PSMF1: variants seen among roughly 807,000 people sequenced by gnomAD.
The protein encoded by PSMF1 is proteasome inhibitor subunit 1, also known as proteasome inhibitor PI31 subunit.
PSMF1 carries 30 observed loss-of-function variants against 29.3 expected under a neutral mutation model. That is an observed-to-expected ratio of 1.02 (90% CI 0.77 to 1.39). PSMF1 has a LOEUF of 1.39. Ranked by LOEUF, PSMF1 falls within the 40% of genes most tolerant of loss-of-function variation. The probability of loss-of-function intolerance (pLI) is 0.00; values close to 1 mark genes in which losing one functional copy is unlikely to be tolerated. For missense variants in PSMF1, 344 were observed against 357.5 expected (o/e 0.96, Z 0.31); for synonymous variants, 134 against 139.7 (o/e 0.96, Z 0.29).
At chr20:1,158,863 G>A (rs939496322) in intron 4 of PSMF1, among the ~76,000 whole-genome samples, 1 of 152,084 alleles carries the variant, frequency 6.6e-6, no homozygotes, top group Middle Eastern at 3.2e-3. Context: ...GAGAAGGACG[G>A]AACCCCCTCC....
At chr20:1,162,403 T>TA (rs1281872020) in intron 4 of PSMF1, among the ~76,000 whole-genome samples, 3 of 151,950 alleles carry the variant, frequency 2.0e-5, no homozygotes, top group Admixed American at 6.6e-5. Context: ...TGCTGCCATT[T>TA]AAAAAAAAGA....
At chr20:1,119,438 C>G (rs1409490575) in intron 1 of PSMF1, among the ~76,000 whole-genome samples, 1 of 152,126 alleles carries the variant, frequency 6.6e-6, no homozygotes, top group Non-Finnish European at 1.5e-5. Context: ...CCAGAGAGTT[C>G]ACACGCCTTT....
At chr20:1,141,162 T>TGGA in intron 4 of PSMF1, among the ~76,000 whole-genome samples, 2 of 152,126 alleles carry the variant, frequency 1.3e-5, no homozygotes, top group Admixed American at 1.3e-4. Flanking sequence ...GTTGCCAGGG[T>TGGA]GGAGGTGGAA....
chr20:1,137,064 T>C (rs2086316311), intron 4 of PSMF1, among the ~76,000 whole-genome samples: 2 of 152,204 alleles, frequency 1.3e-5, no homozygotes, highest in Admixed American at 1.3e-4. Context: ...CTACTATGAA[T>C]TGTAGAACAT....
chr20:1,139,642 G>A (rs1444261976), intron 4 of PSMF1, among the ~76,000 whole-genome samples: 1 of 151,942 alleles, frequency 6.6e-6, no homozygotes, highest in African/African-American at 2.4e-5. Flanking sequence ...CTACTCAGGA[G>A]GCTGAGGCAG....
Position 1,118,613 on chromosome 20 carries a change from C to G in PSMF1, c.-161C>G, listed in dbSNP as rs1419629391. 2.3e-6 allele frequency: 2 copies of G among 867,618 alleles called. No individual in the cohort carries two copies. The highest frequency in any genetic ancestry group is 5.7e-5 in the East Asian group (2 of 34,984). 53.7% of individuals were successfully genotyped at this position (867,618 alleles called of 1,614,324 possible). A position where few individuals can be genotyped will look rare whatever the true frequency, so the allele number is the denominator to read the frequency against. ...TTGGGACTACTTCCGGCTTCCCCGC[C>G]CCGCCCCGTCCCCGGGCGTCTCCAT... On this transcript the variant is annotated 5_prime_UTR_variant, in exon 1 of 7. Transcript: ENST00000335877.
At chr20:1,142,091 G>T (rs913396105) in intron 4 of PSMF1, among the ~76,000 whole-genome samples, 10 of 151,994 alleles carry the variant, frequency 6.6e-5, no homozygotes, top group Non-Finnish European at 1.5e-4. Flanking sequence ...GTGTGGTGGC[G>T]CACGCCTGTA....
rs1438137184 is a variant in PSMF1 at position 1,166,079 on chromosome 20, CTG to C, written c.*1002_*1003del. On this transcript the variant is annotated 3_prime_UTR_variant, in exon 7 of 7. Transcript: ENST00000335877. ...AACCTTGTGTGGTTCTTGCCTAACT[CTG>C]TGGTTTTTGGACCCCATGGGGCCCA... is the stretch of plus-strand genomic sequence containing the variant. 12 of 1,517,246 alleles carry C rather than the reference CTG, an allele frequency of 7.9e-6. No homozygotes were observed. Among genetic ancestry groups the C allele is most frequent in the Admixed American group, 6.2e-5 (3 of 48,606 alleles). The allele number at this position is 1,517,246 out of a possible 1,614,324, so 94.0% of individuals were successfully genotyped here. A position where few individuals can be genotyped will look rare whatever the true frequency, so the allele number is the denominator to read the frequency against.
At chr20:1,122,463 AT>A (rs553475382) in intron 1 of PSMF1, among the ~76,000 whole-genome samples, 1 of 151,076 alleles carries the variant, frequency 6.6e-6, no homozygotes, top group Non-Finnish European at 1.5e-5. Flanking sequence ...TGCCTGGCTA[AT>A]TTTTTTTGTA....
chr20:1,118,742 C>A lies in PSMF1; in HGVS notation c.-32C>A, dbSNP rs752177293. On this transcript the variant is annotated 5_prime_UTR_variant, in exon 1 of 7. Transcript: ENST00000335877. ...CTCACTGCACTACCCCCGCCCCCTT[C>A]TTTCCTCCAGACGCCGAAGTCGCGG... 2 of 1,603,618 alleles carry A rather than the reference C, an allele frequency of 1.2e-6. No individual in the cohort carries two copies. Among genetic ancestry groups the A allele is most frequent in the East Asian group, 2.2e-5 (1 of 44,798 alleles).
Position 1,133,569 on chromosome 20 carries a change from A to ATATATATATATATATTTTTTTTT in PSMF1, c.366-1551_366-1550insATATATATATATATTTTTTTTTT. ...TCTATATATGTGTATATATATATAT[A>ATATATATATATATATTTTTTTTT]TTTTTTTTTTTTTTTTGGTGTAGTC... On this transcript the variant is annotated intron_variant, in intron 3 of 6. Transcript: ENST00000335877. Among the ~76,000 whole-genome samples, 81 of 53,222 alleles carry ATATATATATATATATTTTTTTTT rather than the reference A, an allele frequency of 1.5e-3. 3 individuals are homozygous for ATATATATATATATATTTTTTTTT. The highest frequency in any genetic ancestry group is 2.5e-3 in the Non-Finnish European group (54 of 21,852). 34.9% of individuals were successfully genotyped at this position (53,222 alleles called of 152,430 possible).
At chr20:1,115,281 G>A (rs1209326584), upstream of PSMF1, among the ~76,000 whole-genome samples, 3 of 109,836 alleles carry the variant, frequency 2.7e-5, no homozygotes, top group Admixed American at 2.7e-4. Context: ...CCAAGGGGTG[G>A]GGGTGACGGA....
At position 1,135,174 on chromosome 20, in the gene PSMF1, C is replaced by T. The variant is rs142534580; in HGVS notation, c.419C>T (p.Thr140Ile). 2.4e-5 allele frequency: 39 copies of T among 1,614,052 alleles called. No individual in the cohort carries two copies. Among genetic ancestry groups the T allele is most frequent in the Non-Finnish European group, 3.3e-5 (39 of 1,180,030 alleles). The change falls in exon 4 of 7, where the codon ACA becomes ATA. Residue 140 changes from threonine (T) to isoleucine (I), a missense_variant. Coordinates refer to ENST00000335877, the MANE Select transcript of PSMF1 (RefSeq NM_006814.5). ...TCTCGTATTGTGTCTGGAATCATCA[C>T]ACCTATCCATGAGCAGTGGGAAAAG... ...LRSRIVSGII[T>I]PIHEQWEKAN...
chr20:1,118,637 A>G lies in PSMF1; in HGVS notation c.-137A>G, dbSNP rs572096926. On this transcript the variant is annotated 5_prime_UTR_variant, in exon 1 of 7. Transcript: ENST00000335877. The stretch of plus-strand genomic sequence containing the variant: ...CCCCGCCCCGTCCCCGGGCGTCTCC[A>G]TTTTGGTCTCAGGTGTGGACTCGGC... The G allele has an allele frequency of 1.9e-5, 21 of 1,090,592 alleles. No homozygotes were observed. The highest frequency in any genetic ancestry group is 6.4e-5 in the African/African-American group (4 of 62,696). The allele number at this position is 1,090,592 out of a possible 1,614,324, so 67.6% of individuals were successfully genotyped here.
intron 4 of PSMF1, among the ~76,000 whole-genome samples, chr20:1,162,275 G>GT (rs561778230): frequency 2.0e-4 from 31 of 151,890 alleles, no homozygotes; most frequent in Non-Finnish European, 3.8e-4. Context: ...TTTATGTAAG[G>GT]TTTTTTTGGT....
intron 4 of PSMF1, 50 bp downstream of exon 4, chr20:1,135,356 C>T (rs370247062): frequency 6.5e-7 from 1 of 1,527,064 alleles, no homozygotes; most frequent in Non-Finnish European, 8.9e-7. Context: ...AGAGGGATTC[C>T]AGCCAGCTAT....
chr20:1,132,383 C>G (rs1416408076), intron 3 of PSMF1, among the ~76,000 whole-genome samples: 2 of 151,674 alleles, frequency 1.3e-5, no homozygotes, highest in African/African-American at 4.9e-5. Flanking sequence ...TCAAGTGATT[C>G]TCCTGCCTCA....
chr20:1,161,579 T>C, intron 4 of PSMF1: 1 of 630,576 alleles, frequency 1.6e-6, no homozygotes, highest in South Asian at 1.8e-5. Context: ...AGAGCGCAAG[T>C]ACTCCGTGTG....
chr20:1,162,942 G>A (rs984684692), intron 4 of PSMF1, among the ~76,000 whole-genome samples, 188 bp from the exon 5 acceptor site: 3 of 151,878 alleles, frequency 2.0e-5, no homozygotes, highest in Non-Finnish European at 2.9e-5. Flanking sequence ...TTTGTGTTCC[G>A]CCCTTCTTAC....
Sources: allele counts gnomAD v4.1 joint callset (sites outside exome capture counted in the v4.1 genomes callset), GRCh38; gene constraint gnomAD v4.1.1; transcripts MANE v1.5; gene names NCBI Gene and HGNC (gene_info 2026-07-23, HGNC 2026-07-21).